BLM: variants seen among roughly 807,000 people sequenced by gnomAD.
The protein encoded by BLM is BLM RecQ like helicase, also known as recQ-like DNA helicase BLM.
BLM carries 95 observed loss-of-function variants against 135.3 expected under a neutral mutation model. The observed-to-expected ratio is 0.70, with a 90% CI of 0.59 to 0.83. BLM has a LOEUF of 0.83. Among genes scored for constraint, BLM ranks in the 40% least tolerant of loss-of-function variants. BLM has a pLI of 0.00. For synonymous variants in BLM, 520 were observed against 589.2 expected, an observed-to-expected ratio of 0.88 and a Z score of 1.70; for missense variants, 1,518 against 1,663.9, an observed-to-expected ratio of 0.91 and a Z score of 1.53.
intron 12 of BLM, among the ~76,000 whole-genome samples, chr15:90,779,881 GC>G (rs1440290240): frequency 6.6e-6 from 1 of 152,054 alleles, no homozygotes; most frequent in African/African-American, 2.4e-5. Context: ...GATTTCTAGT[GC>G]TTTAATTAAA....
chr15:90,771,347 C>T (rs372864592), intron 12 of BLM, among the ~76,000 whole-genome samples: 2 of 152,048 alleles, frequency 1.3e-5, no homozygotes, highest in East Asian at 1.9e-4. Context: ...ATTAGCCAGG[C>T]CTACTGGCGT....
At chr15:90,795,898 G>A (rs2151188570) in intron 16 of BLM, among the ~76,000 whole-genome samples, 1 of 152,350 alleles carries the variant, frequency 6.6e-6, no homozygotes, top group African/African-American at 2.4e-5. Flanking sequence ...CTGAGAAGAT[G>A]GGAGCTGAGG....
rs547306664 is a variant in BLM at position 90,738,449 on chromosome 15, C to G, written c.-4-8940C>G. On this transcript the variant is annotated intron_variant, in intron 1 of 21. Coordinates refer to ENST00000355112, the MANE Select transcript of BLM (RefSeq NM_000057.4). ...ATTTGCCAGGTGTGATGGTACTTTGCTGTGGTCCCAGCTACTCCGTAGGCT... is the reference window on the plus strand; with the variant it reads ...ATTTGCCAGGTGTGATGGTACTTTGGTGTGGTCCCAGCTACTCCGTAGGCT... 4.3e-4 allele frequency among the ~76,000 whole-genome samples: 66 copies of G among 152,260 alleles called. No homozygotes were observed. In the South Asian group the frequency reaches 5.6e-3, roughly 13 times the overall value.
chr15:90,789,635 G>T (rs1280728638), intron 14 of BLM, among the ~76,000 whole-genome samples: 1 of 152,042 alleles, frequency 6.6e-6, no homozygotes, highest in Non-Finnish European at 1.5e-5. Flanking sequence ...GTTGATAAAT[G>T]TACCCCTTTA....
intron 1 of BLM, among the ~76,000 whole-genome samples, chr15:90,740,626 G>A (rs1895339150): frequency 6.6e-6 from 1 of 152,160 alleles, no homozygotes; most frequent in African/African-American, 2.4e-5. Context: ...GTTACATGGT[G>A]ATATGGTTTG....
chr15:90,772,458 T>C (rs1305424198), intron 12 of BLM, among the ~76,000 whole-genome samples: 2 of 152,212 alleles, frequency 1.3e-5, no homozygotes, highest in African/African-American at 2.4e-5. Flanking sequence ...TGCCAGGCAC[T>C]GTTGTCATTT....
In BLM at chr15:90,788,842, G is replaced by A. The variant is rs138470772; in HGVS notation, c.2824-1807G>A. Among the ~76,000 whole-genome samples the A allele has an allele frequency of 1.3e-3, 193 of 151,606 alleles. 1 individual carries two copies. Among genetic ancestry groups the A allele is most frequent in the African/African-American group, 4.6e-3 (188 of 41,312 alleles). The stretch of plus-strand genomic sequence containing the variant: ...ACAAAAATTAGCCTGGCATGCTGGT[G>A]CACACCTGTAGTCCCAGCTTCTCGG... On this transcript the variant is annotated intron_variant, in intron 14 of 21. Coordinates refer to ENST00000355112, the MANE Select transcript of BLM (RefSeq NM_000057.4).
chr15:90,768,002 C>T (rs1896183033), intron 10 of BLM, among the ~76,000 whole-genome samples: 1 of 148,792 alleles, frequency 6.7e-6, no homozygotes, highest in Non-Finnish European at 1.5e-5. Flanking sequence ...GGTGGGAGTG[C>T]TCGGCTCACT....
Position 90,811,252 on chromosome 15 carries a change from G to T in BLM, c.3922G>T (p.Gly1308Ter). 6.2e-7 allele frequency: 1 copy of T among 1,614,044 alleles called. No individual in the cohort carries two copies. The highest frequency in any genetic ancestry group is 8.5e-7 in the Non-Finnish European group (1 of 1,180,032). The change falls in exon 21 of 22, where the codon GGA becomes TGA. Residue 1308 changes from glycine to a stop codon, truncating the protein, a stop_gained. Coordinates refer to ENST00000355112, the MANE Select transcript of BLM (RefSeq NM_000057.4). LOFTEE classifies it high-confidence loss of function. ...AAGCCTGTCCAGCAGCAGAGGCCCC[G>T]GAAGAAGTGCCGCTGAGGAGCTCGA... ...GISLSSSRGP[G>*]RSAAEELDEE...
chr15:90,747,056 C>A (rs1349655228), intron 1 of BLM, among the ~76,000 whole-genome samples: 2 of 151,926 alleles, frequency 1.3e-5, no homozygotes, highest in East Asian at 3.9e-4. Flanking sequence ...CAGGCCAGGT[C>A]CCATTTTTCT....
At chr15:90,761,487 A>G (rs566168428) in intron 7 of BLM, among the ~76,000 whole-genome samples, 2 of 152,172 alleles carry the variant, frequency 1.3e-5, no homozygotes, top group Admixed American at 6.5e-5. Flanking sequence ...GTACGGCTCT[A>G]AAGTCATTAC....
At chr15:90,763,957 G>C (rs1206936627) in intron 8 of BLM, among the ~76,000 whole-genome samples, 1 of 152,168 alleles carries the variant, frequency 6.6e-6, no homozygotes, top group Non-Finnish European at 1.5e-5. Context: ...ATTGTATAAT[G>C]TTGACTGGGC....
rs746257638 is a variant in BLM at position 90,749,610 on chromosome 15, T to C, written c.342T>C (p.Thr114=). 6.2e-6 allele frequency: 10 copies of C among 1,614,062 alleles called. No individual in the cohort carries two copies. In the South Asian group the frequency reaches 8.8e-5, roughly 14 times the overall value. The change falls in exon 3 of 22, where the codon ACT becomes ACC. Residue 114 remains threonine, a synonymous_variant. Transcript: ENST00000355112. ...CATTATTGCCAGATTTCTTGCAGAC[T>C]CCGAAGGAAGTTGTATGCACTACCC... The part of the protein sequence containing the change: ...SKSLLPDFLQ[T]PKEVVCTTQN...
chr15:90,723,866 A>G (rs1209257121), intron 1 of BLM, among the ~76,000 whole-genome samples: 1 of 151,968 alleles, frequency 6.6e-6, no homozygotes, highest in African/African-American at 2.4e-5. Context: ...GAGTTTGCCT[A>G]TTTTAGATAC....
At chr15:90,813,156 A>G (rs1015519705) in intron 21 of BLM, among the ~76,000 whole-genome samples, 3 of 152,182 alleles carry the variant, frequency 2.0e-5, no homozygotes, top group African/African-American at 4.8e-5. Context: ...TCACTTCTGC[A>G]TGTTGCCTGT....
intron 1 of BLM, among the ~76,000 whole-genome samples, chr15:90,735,002 A>G (rs955936430): frequency 2.6e-5 from 4 of 152,082 alleles, no homozygotes; most frequent in Non-Finnish European, 5.9e-5. Flanking sequence ...AAGGAATTTT[A>G]TAAGAATATG....
intron 12 of BLM, among the ~76,000 whole-genome samples, chr15:90,778,797 A>C (rs1390953635): frequency 6.6e-6 from 1 of 151,894 alleles, no homozygotes; most frequent in African/African-American, 2.4e-5. Flanking sequence ...ACATGTATAA[A>C]TTTTTGTGTG....
chr15:90,780,315 T>A (rs1896588052), intron 12 of BLM, among the ~76,000 whole-genome samples: 2 of 152,214 alleles, frequency 1.3e-5, no homozygotes, highest in African/African-American at 4.8e-5. Context: ...AAACTCCAGA[T>A]CTCATGATCT....
At chr15:90,765,663 C>T (rs538812062) in intron 9 of BLM, among the ~76,000 whole-genome samples, 1 of 152,230 alleles carries the variant, frequency 6.6e-6, no homozygotes, top group African/African-American at 2.4e-5. Flanking sequence ...ATTTTTTTAA[C>T]GAATAGAAAA....
Sources: gnomAD v4.1 joint callset for allele counts (sites outside exome capture counted in the v4.1 genomes callset) on GRCh38, gnomAD v4.1.1 for gene constraint, MANE v1.5 for transcripts, NCBI Gene and HGNC (gene_info 2026-07-23, HGNC 2026-07-21) for gene names.